EXOC2: variants seen among roughly 807,000 people sequenced by gnomAD.
The protein encoded by EXOC2 is SEC5-like 1.
In EXOC2, 70 loss-of-function variants were observed where a neutral mutation model predicts 131.8. The ratio of observed to expected loss-of-function variants is 0.53; its 90% CI spans 0.44 to 0.65. EXOC2 has a LOEUF of 0.65. Ranked by LOEUF, EXOC2 falls within the 30% of genes least tolerant of loss-of-function variation. EXOC2 has a pLI of 0.00. For missense variants in EXOC2, 923 were observed against 1,108.6 expected (o/e 0.83, Z 2.38); for synonymous variants, 411 against 398.4 (o/e 1.03, Z -0.38).
chr6:611,292 G>A (rs1295632698), intron 6 of EXOC2, among the ~76,000 whole-genome samples: 1 of 152,228 alleles, frequency 6.6e-6, no homozygotes, highest in African/African-American at 2.4e-5. Context: ...TGTTCTGATA[G>A]TCCTGGCTGA....
chr6:537,159 A>G (rs1482737182), intron 22 of EXOC2, among the ~76,000 whole-genome samples: 1 of 151,992 alleles, frequency 6.6e-6, no homozygotes, highest in Non-Finnish European at 1.5e-5. Context: ...TTTATGACCG[A>G]CGGAGCGTAC....
chr6:609,079 G>T (rs536281484), intron 7 of EXOC2, among the ~76,000 whole-genome samples: 1 of 152,190 alleles, frequency 6.6e-6, no homozygotes, highest in Non-Finnish European at 1.5e-5. Flanking sequence ...CCTAAATTTA[G>T]AATGAAATCC....
chr6:642,973 CT>C (rs1762423001), intron 1 of EXOC2, among the ~76,000 whole-genome samples: 1 of 150,494 alleles, frequency 6.6e-6, no homozygotes, highest in Non-Finnish European at 1.5e-5. Context: ...ACAAGAAATG[CT>C]GAAAGAAGTT....
intron 23 of EXOC2, among the ~76,000 whole-genome samples, chr6:511,325 A>G (rs1205453399): frequency 6.6e-6 from 1 of 152,236 alleles, no homozygotes; most frequent in Non-Finnish European, 1.5e-5. Flanking sequence ...AATTGAAGAA[A>G]TAGCCGTAAA....
At chr6:567,538 TTTA>T (rs1490958732) in intron 13 of EXOC2, among the ~76,000 whole-genome samples, 2 of 152,204 alleles carry the variant, frequency 1.3e-5, no homozygotes, top group African/African-American at 4.8e-5. Context: ...TTTGGTGACT[TTTA>T]TTTATATTGT....
At chr6:486,881 G>C in intron 27 of EXOC2, 117 bp from the exon 28 acceptor site, 1 of 680,510 alleles carries the variant, frequency 1.5e-6, no homozygotes, top group African/African-American at 1.8e-5. Flanking sequence ...GGAGAAGGCA[G>C]CTGAAAAGTT....
chr6:692,603 C>G lies in EXOC2; in HGVS notation c.-44+416G>C, dbSNP rs563376230. Among the ~76,000 whole-genome samples the G allele has an allele frequency of 5.4e-4, 83 of 152,394 alleles. 1 individual carries two copies. The East Asian group carries it at 0.013, about 23-fold the overall frequency. ...AGGACAGCCAGAGCGGGATGCACGC[C>G]TAGGCAGACAGGTAACACCCGCCTC... On this transcript the variant is annotated intron_variant, in intron 1 of 27. Transcript: ENST00000230449.
At chr6:577,002 A>C in intron 11 of EXOC2, 120 bp from the exon 12 acceptor site, 1 of 803,500 alleles carries the variant, frequency 1.2e-6, no homozygotes, top group East Asian at 3.0e-5. Context: ...CTCTTAAATA[A>C]GGCATTTATT....
intron 25 of EXOC2, among the ~76,000 whole-genome samples, chr6:494,164 T>C (rs1239937274): frequency 6.6e-6 from 1 of 152,230 alleles, no homozygotes; most frequent in Admixed American, 6.5e-5. Flanking sequence ...AGAAAACTGG[T>C]GGCAAATGGA....
At chr6:523,427 T>C (rs1029355072) in intron 23 of EXOC2, among the ~76,000 whole-genome samples, 1 of 152,242 alleles carries the variant, frequency 6.6e-6, no homozygotes, top group African/African-American at 2.4e-5. Flanking sequence ...TTGGAAAACT[T>C]GGACAGTGCT....
chr6:537,650 A>G (rs1266324412), intron 22 of EXOC2, among the ~76,000 whole-genome samples: 1 of 152,224 alleles, frequency 6.6e-6, no homozygotes, highest in East Asian at 1.9e-4. Flanking sequence ...TTACAGGAAT[A>G]TTCACCACAA....
At chr6:615,125 A>T (rs1437626887) in intron 6 of EXOC2, among the ~76,000 whole-genome samples, 1 of 152,168 alleles carries the variant, frequency 6.6e-6, no homozygotes, top group Non-Finnish European at 1.5e-5. Flanking sequence ...AATTTCAGGG[A>T]AAACAAACCA....
intron 2 of EXOC2, among the ~76,000 whole-genome samples, chr6:635,594 A>G (rs1485569937): frequency 6.6e-6 from 1 of 152,246 alleles, no homozygotes; most frequent in East Asian, 1.9e-4. Context: ...GAAAAAAAAA[A>G]GTAACTCATA....
chr6:689,550 T>A (rs1764821227), intron 1 of EXOC2, among the ~76,000 whole-genome samples: 1 of 152,196 alleles, frequency 6.6e-6, no homozygotes, highest in Admixed American at 6.5e-5. Context: ...AGCTTCCCAA[T>A]TACTCTAGCC....
chr6:567,962 G>A (rs1385855827), intron 13 of EXOC2, among the ~76,000 whole-genome samples: 1 of 152,238 alleles, frequency 6.6e-6, no homozygotes, highest in African/African-American at 2.4e-5. Context: ...CAGCAAATGG[G>A]ATGAGCAGAG....
chr6:537,734 T>C (rs1766552947), intron 22 of EXOC2, among the ~76,000 whole-genome samples: 1 of 152,222 alleles, frequency 6.6e-6, no homozygotes, highest in Non-Finnish European at 1.5e-5. Context: ...CAAAATCTGG[T>C]TATCCAAACT....
intron 13 of EXOC2, among the ~76,000 whole-genome samples, chr6:567,717 A>G (rs1758052772): frequency 6.6e-6 from 1 of 152,048 alleles, no homozygotes; most frequent in Non-Finnish European, 1.5e-5. Context: ...TGTGTATATT[A>G]CGTGTGCATG....
rs756043312 is a variant in EXOC2, at chr6:572,503, C to A, written c.1443+17G>T. On this transcript the variant is annotated intron_variant, in intron 13 of 27. Coordinates refer to ENST00000230449, the MANE Select transcript of EXOC2 (RefSeq NM_018303.6). ...ACGGTGACTCAGCTCCACCTCTAGC[C>A]GAGTCCGTATACACACCTCACTGAA... 3.6e-5 allele frequency: 58 copies of A among 1,600,464 alleles called. No homozygotes were observed. Among genetic ancestry groups the A allele is most frequent in the Non-Finnish European group, 4.6e-5 (54 of 1,175,848 alleles).
At chr6:495,343 C>A (rs374719259) in intron 25 of EXOC2, among the ~76,000 whole-genome samples, 2 of 151,986 alleles carry the variant, frequency 1.3e-5, no homozygotes, top group Admixed American at 1.3e-4. Context: ...CCAGGATGGT[C>A]TCGATCTCCT....
Sources: allele counts gnomAD v4.1 joint callset (sites outside exome capture counted in the v4.1 genomes callset), GRCh38; gene constraint gnomAD v4.1.1; transcripts MANE v1.5; gene names NCBI Gene and HGNC (gene_info 2026-07-23, HGNC 2026-07-21).